TBL1X: variants seen among roughly 807,000 people sequenced by gnomAD.
TBL1X encodes F-box-like/WD repeat-containing protein TBL1X.
A neutral mutation model predicts 50.7 loss-of-function variants in TBL1X; 10 were observed. That is an observed-to-expected ratio of 0.20 (90% confidence interval 0.12 to 0.33). The LOEUF (loss-of-function observed/expected upper bound fraction) is 0.33, where lower values mean the gene tolerates loss of function less well. Ranked by LOEUF, TBL1X falls within the 10% of genes least tolerant of loss-of-function variation. The pLI, the probability that TBL1X is intolerant of heterozygous loss-of-function variation, is 1.00. For missense variants in TBL1X, 340 were observed against 504.4 expected, an observed-to-expected ratio of 0.67 and a Z score of 3.12; for synonymous variants, 190 against 214.7, an observed-to-expected ratio of 0.88 and a Z score of 1.01.
intron 2 of TBL1X, among the ~76,000 whole-genome samples, chrX:9,611,008 A>G (rs142547481): frequency 4.5e-4 from 50 of 111,984 alleles, no homozygotes; most frequent in African/African-American, 1.5e-3. Flanking sequence ...AGAAATGGCC[A>G]TATTTCTCTA....
intron 5 of TBL1X, among the ~76,000 whole-genome samples, chrX:9,657,871 G>T (rs944279641): frequency 2.0e-4 from 22 of 112,299 alleles, no homozygotes; most frequent in African/African-American, 6.5e-4. Context: ...GTTGGTTTTT[G>T]CATGAGTTCA....
At chrX:9,686,195 C>T (rs1009296273) in intron 6 of TBL1X, among the ~76,000 whole-genome samples, 27 of 111,872 alleles carry the variant, frequency 2.4e-4, no homozygotes, top group African/African-American at 8.8e-4. Flanking sequence ...CTGCAAAACA[C>T]ACACGTGTGT....
intron 2 of TBL1X, among the ~76,000 whole-genome samples, chrX:9,612,789 A>G (rs1337313053): frequency 9.0e-6 from 1 of 111,487 alleles, no homozygotes; most frequent in Non-Finnish European, 1.9e-5. Flanking sequence ...GCCTGTATCA[A>G]AACATCTCAT....
At chrX:9,702,648 A>G (rs1041378167) in intron 12 of TBL1X, among the ~76,000 whole-genome samples, 34 of 109,774 alleles carry the variant, frequency 3.1e-4, no homozygotes, top group Non-Finnish European at 5.5e-4. Flanking sequence ...GAGTTTCTAT[A>G]TTGGTCGATT....
In TBL1X at chrX:9,647,831, T is replaced by C. The variant is rs147625522; in HGVS notation, c.-42-5714T>C. Among the ~76,000 whole-genome samples the C allele has an allele frequency of 5.0e-3, 555 of 111,497 alleles. 4 individuals carry two copies. The highest frequency in any genetic ancestry group is 0.017 in the African/African-American group (519 of 30,657). On this transcript the variant is annotated intron_variant, in intron 3 of 17. Transcript: ENST00000645353. Reference sequence around the variant, plus strand: ...CGAGGAGTCGAGCCCTGAGTGGTCATGGGCGAGGCAGGTGTGTGTTTCCCT... The same window carrying C: ...CGAGGAGTCGAGCCCTGAGTGGTCACGGGCGAGGCAGGTGTGTGTTTCCCT...
chrX:9,521,583 G>A (rs910792734), intron 2 of TBL1X, among the ~76,000 whole-genome samples: 1 of 111,920 alleles, frequency 8.9e-6, no homozygotes, highest in Non-Finnish European at 1.9e-5. Flanking sequence ...ACCTCCTGCG[G>A]ATACCCAAAT....
chrX:9,523,910 T>C (rs139663345), intron 2 of TBL1X, among the ~76,000 whole-genome samples: 87 of 111,024 alleles, frequency 7.8e-4, no homozygotes, highest in African/African-American at 2.6e-3. Context: ...GCTTTTTTCT[T>C]TTCTTTTTAT....
At chrX:9,581,631 A>T (rs923648192) in intron 2 of TBL1X, among the ~76,000 whole-genome samples, 1 of 112,191 alleles carries the variant, frequency 8.9e-6, no homozygotes, top group Non-Finnish European at 1.9e-5. Flanking sequence ...GCCAAGAGTG[A>T]TGGCTCACAA....
intron 2 of TBL1X, among the ~76,000 whole-genome samples, chrX:9,523,958 A>C (rs1220199841): frequency 1.1e-5 from 1 of 92,732 alleles, no homozygotes; most frequent in East Asian, 3.2e-4. Context: ...AGTCATTTTA[A>C]CCTTTTTTTT....
At chrX:9,644,657 T>TAA (rs1430703124) in intron 3 of TBL1X, 1 of 104,387 alleles carries the variant, frequency 9.6e-6, no homozygotes, top group African/African-American at 3.7e-5. Context: ...TTCTTTTCTT[T>TAA]TCTTTTTTTT....
intron 2 of TBL1X, among the ~76,000 whole-genome samples, chrX:9,600,580 C>T (rs924916295): frequency 2.7e-5 from 3 of 110,532 alleles, no homozygotes; most frequent in African/African-American, 9.9e-5. Context: ...ATTCACCTCT[C>T]AATTTAGATG....
At chrX:9,675,622 G>A (rs996573782) in intron 5 of TBL1X, among the ~76,000 whole-genome samples, 3 of 111,507 alleles carry the variant, frequency 2.7e-5, no homozygotes, top group East Asian at 2.8e-4. Context: ...GGTAGCTCAC[G>A]CCCAGCAAGT....
At chrX:9,697,555 T>G in intron 12 of TBL1X, 126 bp downstream of exon 12, 1 of 968,245 alleles carries the variant, frequency 1.0e-6, no homozygotes, top group Non-Finnish European at 1.4e-6. Context: ...GTGGATTGCA[T>G]GAGGTCAGGA....
intron 2 of TBL1X, among the ~76,000 whole-genome samples, chrX:9,601,453 C>T (rs749047004): frequency 2.8e-4 from 31 of 111,758 alleles, no homozygotes; most frequent in Admixed American, 2.6e-3. Context: ...ATTTGCTTGC[C>T]TGCTCCTGGA....
intron 2 of TBL1X, among the ~76,000 whole-genome samples, chrX:9,530,057 C>T (rs1005889986): frequency 1.8e-5 from 2 of 111,680 alleles, no homozygotes; most frequent in Non-Finnish European, 1.9e-5. Context: ...AATAGAATAC[C>T]TGATGAATGT....
chrX:9,590,649 A>G (rs1052128741), intron 2 of TBL1X, among the ~76,000 whole-genome samples: 2 of 112,494 alleles, frequency 1.8e-5, no homozygotes, highest in Admixed American at 1.9e-4. Context: ...TGTCCTTGAA[A>G]GGAAGCCCAC....
At chrX:9,487,425 TCTTA>T (rs2081919307) in intron 1 of TBL1X, among the ~76,000 whole-genome samples, 2 of 111,581 alleles carry the variant, frequency 1.8e-5, no homozygotes, top group South Asian at 3.8e-4. Flanking sequence ...GCGCCTGGAT[TCTTA>T]CTTCATATTT....
intron 2 of TBL1X, among the ~76,000 whole-genome samples, chrX:9,528,870 G>A (rs1873106973): frequency 9.1e-6 from 1 of 110,294 alleles, no homozygotes; most frequent in Non-Finnish European, 1.9e-5. Flanking sequence ...ATTCACTGGG[G>A]CCTGGCTTTG....
intron 12 of TBL1X, among the ~76,000 whole-genome samples, chrX:9,699,632 G>A (rs1191358809): frequency 9.0e-6 from 1 of 111,603 alleles, no homozygotes; most frequent in Non-Finnish European, 1.9e-5. Flanking sequence ...TCCAGGCAGG[G>A]GACATGGGCC....
Sources: gnomAD v4.1 joint callset for allele counts (sites outside exome capture counted in the v4.1 genomes callset) on GRCh38, gnomAD v4.1.1 for gene constraint, MANE v1.5 for transcripts, NCBI Gene and HGNC (gene_info 2026-07-23, HGNC 2026-07-21) for gene names.